FAM171A1: variants seen among roughly 807,000 people sequenced by gnomAD.
FAM171A1 encodes the protein protein FAM171A1.
FAM171A1 carries 23 observed loss-of-function variants against 74.9 expected under a neutral mutation model. That is an observed-to-expected ratio of 0.31 (90% CI 0.22 to 0.44). The LOEUF (loss-of-function observed/expected upper bound fraction) is 0.44. Among genes scored for constraint, FAM171A1 ranks in the 20% least tolerant of loss-of-function variants. The pLI is 1.00. For missense variants in FAM171A1, 1,162 were observed against 1,159.2 expected, an observed-to-expected ratio of 1.00 and a Z score of -0.03; for synonymous variants, 527 against 505.7, an observed-to-expected ratio of 1.04 and a Z score of -0.57.
chr10:15,270,174 C>T (rs1834804616), intron 3 of FAM171A1, among the ~76,000 whole-genome samples: 1 of 152,192 alleles, frequency 6.6e-6, no homozygotes, highest in South Asian at 2.1e-4. Flanking sequence ...GGGACACTCC[C>T]ACCCTAATAC....
intron 2 of FAM171A1, among the ~76,000 whole-genome samples, chr10:15,277,128 C>G (rs901625044): frequency 1.3e-5 from 2 of 152,202 alleles, no homozygotes; most frequent in African/African-American, 4.8e-5. Flanking sequence ...ACTCACATTA[C>G]TGAACCTTTA....
At chr10:15,239,189 G>A (rs1405648427) in intron 5 of FAM171A1, among the ~76,000 whole-genome samples, 1 of 152,224 alleles carries the variant, frequency 6.6e-6, no homozygotes, top group Non-Finnish European at 1.5e-5. Context: ...TCAGCTAAGA[G>A]GCATTCGCTA....
At chr10:15,248,863 T>C in intron 4 of FAM171A1, 48 bp from the exon 5 acceptor site, 1 of 1,542,484 alleles carries the variant, frequency 6.5e-7, no homozygotes, top group Non-Finnish European at 8.8e-7. Context: ...AGTACCCATG[T>C]GGGGCTGTGG....
intron 5 of FAM171A1, among the ~76,000 whole-genome samples, chr10:15,222,116 C>T (rs952080343): frequency 6.6e-6 from 1 of 152,154 alleles, no homozygotes; most frequent in Non-Finnish European, 1.5e-5. Context: ...GCACCCACTC[C>T]GACCTATCAG....
intron 1 of FAM171A1, among the ~76,000 whole-genome samples, chr10:15,296,042 T>C (rs1167642026): frequency 6.6e-6 from 1 of 152,230 alleles, no homozygotes; most frequent in Non-Finnish European, 1.5e-5. Context: ...TATCAGCATG[T>C]GCATTGAATT....
intron 5 of FAM171A1, among the ~76,000 whole-genome samples, chr10:15,224,915 GCAAATGTAGCTC>G (rs1451279938): frequency 6.6e-6 from 1 of 152,178 alleles, no homozygotes; most frequent in Non-Finnish European, 1.5e-5. Flanking sequence ...GACTTTGCCT[GCAAATGTAGCTC>G]CAACCTCATA....
intron 3 of FAM171A1, among the ~76,000 whole-genome samples, chr10:15,269,938 C>A (rs543303669): frequency 3.3e-5 from 5 of 152,138 alleles, no homozygotes; most frequent in African/African-American, 1.2e-4. Flanking sequence ...CCAAGATGGC[C>A]GAATAGGAAC....
At chr10:15,269,858 T>C (rs1477175091) in intron 3 of FAM171A1, among the ~76,000 whole-genome samples, 1 of 152,220 alleles carries the variant, frequency 6.6e-6, no homozygotes, top group Non-Finnish European at 1.5e-5. Flanking sequence ...GGAAAATAGA[T>C]GCTATGTCCC....
At chr10:15,240,302 G>A (rs1048796949) in intron 5 of FAM171A1, among the ~76,000 whole-genome samples, 5 of 152,054 alleles carry the variant, frequency 3.3e-5, no homozygotes, top group South Asian at 2.1e-4. Flanking sequence ...CAGAGGTTGC[G>A]GTGAGCTGAG....
Position 15,214,195 on chromosome 10 carries a change from G to A in FAM171A1, c.1393C>T (p.Pro465Ser), listed in dbSNP as rs3814165. Residue 465 changes from proline to serine, a missense_variant, in exon 8 of 8, where the codon CCC (proline) becomes TCC (serine). Transcript: ENST00000378116. The stretch of plus-strand genomic sequence containing the variant: ...TCCATAGATTTTCTTGCCTTTAAGG[G>A]AAAAACCTCCACTGACTTATGGTAG... The part of the protein sequence containing the change: ...KDYHKSVEVF[P>S]LKARKSMERE... 261,358 of 1,613,990 alleles carry A rather than the reference G, an allele frequency of 0.16. 22,353 individuals carry two copies. The highest frequency in any genetic ancestry group is 0.21 in the Middle Eastern group (1,257 of 6,062).
At position 15,212,905 on chromosome 10, in the gene FAM171A1, C is replaced by A. The variant is rs368762861; in HGVS notation, c.*10G>T. ...TTTTATATTCCACAGTCAGGTGGGT[C>A]TGCGATAGCTCATTTAATGTTAAAC... is the stretch of plus-strand genomic sequence containing the variant. On this transcript the variant is annotated 3_prime_UTR_variant, in exon 8 of 8. Transcript: ENST00000378116. The A allele has an allele frequency of 3.5e-5, 56 of 1,612,976 alleles. No homozygotes were observed. The highest frequency in any genetic ancestry group is 1.6e-4 in the Middle Eastern group (1 of 6,062).
At chr10:15,226,157 C>T (rs965240149) in intron 5 of FAM171A1, among the ~76,000 whole-genome samples, 3 of 152,178 alleles carry the variant, frequency 2.0e-5, no homozygotes, top group Non-Finnish European at 2.9e-5. Context: ...CTGCCTCACC[C>T]CAGAAACCCA....
At chr10:15,371,543 A>G (rs1836149228), upstream of FAM171A1, among the ~76,000 whole-genome samples, 2 of 152,096 alleles carry the variant, frequency 1.3e-5, no homozygotes, top group Admixed American at 6.5e-5. Context: ...GAGACATTGT[A>G]TCTGGGTGTG....
chr10:15,268,874 T>C (rs1834783859), intron 3 of FAM171A1, among the ~76,000 whole-genome samples: 1 of 152,124 alleles, frequency 6.6e-6, no homozygotes, highest in Non-Finnish European at 1.5e-5. Context: ...AAACCCCATC[T>C]CTACTAAAAA....
intron 2 of FAM171A1, among the ~76,000 whole-genome samples, chr10:15,277,853 TTCAA>T (rs1834914006): frequency 6.6e-6 from 1 of 152,088 alleles, no homozygotes; most frequent in South Asian, 2.1e-4. Flanking sequence ...GCCTCCCACG[TTCAA>T]GCTATCCTCC....
chr10:15,221,200 T>A (rs1834035360), intron 5 of FAM171A1, 140 bp from the exon 6 acceptor site: 1 of 601,878 alleles, frequency 1.7e-6, no homozygotes. Flanking sequence ...CAAAGTGTCA[T>A]CTAGGGACCC....
intron 1 of FAM171A1, among the ~76,000 whole-genome samples, chr10:15,289,734 G>T (rs781505057): frequency 6.6e-6 from 1 of 152,186 alleles, no homozygotes; most frequent in Admixed American, 6.5e-5. Context: ...CCTGCCCTCA[G>T]GCCAAATGTG....
rs185772667 is a variant in FAM171A1, at chr10:15,295,690, C to T, written c.98-11585G>A. ...AGCAACTCACCCTAGTAGTGGGGAA[C>T]CCAGCATTTTATGGGCTGGCCACTG... On this transcript the variant is annotated intron_variant, in intron 1 of 7. Transcript: ENST00000378116. Among the ~76,000 whole-genome samples, 448 of 152,258 alleles carry T rather than the reference C, an allele frequency of 2.9e-3. 3 individuals carry two copies. Among genetic ancestry groups the T allele is most frequent in the African/African-American group, 0.01 (419 of 41,536 alleles).
At chr10:15,307,167 G>C (rs1165855593) in intron 1 of FAM171A1, among the ~76,000 whole-genome samples, 2 of 152,172 alleles carry the variant, frequency 1.3e-5, no homozygotes, top group Admixed American at 6.6e-5. Context: ...TTGTTTTTCA[G>C]AAAGTTGGAA....
Sources: gnomAD v4.1 joint callset for allele counts (sites outside exome capture counted in the v4.1 genomes callset) on GRCh38, gnomAD v4.1.1 for gene constraint, MANE v1.5 for transcripts, NCBI Gene and HGNC (gene_info 2026-07-23, HGNC 2026-07-21) for gene names.